Variants in TAMM41 observed in about 807,000 individuals in gnomAD.
TAMM41 encodes TAM41 mitochondrial translocator assembly and maintenance homolog.
In TAMM41, 36 loss-of-function variants were observed where a neutral mutation model predicts 44.1. The observed-to-expected ratio is 0.82, with a 90% CI of 0.63 to 1.08. The LOEUF is 1.08. Ranked by LOEUF, TAMM41 falls within the 50% of genes least tolerant of loss-of-function variation. TAMM41 has a pLI of 0.00. For synonymous variants in TAMM41, 164 were observed against 153.1 expected (o/e 1.07, Z -0.53); for missense variants, 417 against 404.3 (o/e 1.03, Z -0.27).
At chr3:11,844,692 C>T (rs984459049) in intron 1 of TAMM41, among the ~76,000 whole-genome samples, 1 of 152,156 alleles carries the variant, frequency 6.6e-6, no homozygotes, top group Non-Finnish European at 1.5e-5. Context: ...ATTAGCACCA[C>T]CTGGATAAAC....
chr3:11,829,046 AG>A (rs1256276221), intron 4 of TAMM41, among the ~76,000 whole-genome samples: 1 of 152,162 alleles, frequency 6.6e-6, no homozygotes, highest in African/African-American at 2.4e-5. Context: ...GGTTGCAGCG[AG>A]GGTGAGTGGC....
chr3:11,759,956 A>C, the TAMM41 span, among the ~76,000 whole-genome samples: 1 of 144,728 alleles, frequency 6.9e-6, no homozygotes, highest in South Asian at 2.3e-4. Context: ...CCTGGGGGAC[A>C]AGAATGAAAC....
At chr3:11,795,662 T>C (rs17779957) in intron 7 of TAMM41, among the ~76,000 whole-genome samples, 4,200 of 152,266 alleles carry the variant, frequency 0.028, 90 homozygotes, top group Non-Finnish European at 0.041. Context: ...AAAGTCTTTG[T>C]TTGGCCCCTG....
the TAMM41 span, among the ~76,000 whole-genome samples, chr3:11,748,874 T>C: frequency 6.6e-6 from 1 of 151,352 alleles, no homozygotes; most frequent in South Asian, 2.1e-4. Flanking sequence ...AACTTTCCCA[T>C]GTGTTATCAT....
chr3:11,763,915 G>A, the TAMM41 span, among the ~76,000 whole-genome samples: 1 of 152,122 alleles, frequency 6.6e-6, no homozygotes, highest in Non-Finnish European at 1.5e-5. Flanking sequence ...AGTCATTTTT[G>A]TTTCAATATT....
At chr3:11,789,289 A>C (rs1300919491), downstream of TAMM41, among the ~76,000 whole-genome samples, 1 of 152,254 alleles carries the variant, frequency 6.6e-6, no homozygotes, top group Non-Finnish European at 1.5e-5. Context: ...ACTCAATAGT[A>C]AACAAAAAAT....
the TAMM41 span, among the ~76,000 whole-genome samples, chr3:11,726,966 G>T: frequency 6.6e-6 from 1 of 151,994 alleles, no homozygotes; most frequent in South Asian, 2.1e-4. Flanking sequence ...GGGAACCAAA[G>T]AACTCAGTGG....
the TAMM41 span, among the ~76,000 whole-genome samples, chr3:11,734,012 T>C: frequency 6.6e-6 from 1 of 151,204 alleles, no homozygotes; most frequent in Non-Finnish European, 1.5e-5. Flanking sequence ...TTCCTCATTA[T>C]GTGGGCCAGC....
At chr3:11,814,065 C>T (rs1390161457) in intron 5 of TAMM41, among the ~76,000 whole-genome samples, 1 of 151,812 alleles carries the variant, frequency 6.6e-6, no homozygotes, top group African/African-American at 2.4e-5. Context: ...GTAGTCGCAG[C>T]TCCTCAAGAG....
At chr3:11,746,273 C>A in the TAMM41 span, among the ~76,000 whole-genome samples, 1 of 143,788 alleles carries the variant, frequency 7.0e-6, no homozygotes, top group Non-Finnish European at 1.5e-5. Flanking sequence ...CACTGCACTC[C>A]AGCCTGGGCG....
At chr3:11,722,838 A>G in the TAMM41 span, among the ~76,000 whole-genome samples, 1 of 152,226 alleles carries the variant, frequency 6.6e-6, no homozygotes, top group East Asian at 1.9e-4. Flanking sequence ...ATGTGGTGGC[A>G]CGCTGCTATA....
chr3:11,722,338 G>T, the TAMM41 span, among the ~76,000 whole-genome samples: 1 of 151,338 alleles, frequency 6.6e-6, no homozygotes, highest in Non-Finnish European at 1.5e-5. Flanking sequence ...TCTTTTAGTT[G>T]TGCAAAGGAG....
intron 1 of TAMM41, 23 bp downstream of exon 1, chr3:11,846,479 G>T (rs753686026): frequency 6.2e-7 from 1 of 1,613,940 alleles, no homozygotes; most frequent in South Asian, 1.1e-5. Context: ...ACAGTTCCCC[G>T]TCGTGGGGCT....
the TAMM41 span, among the ~76,000 whole-genome samples, chr3:11,744,592 G>A: frequency 6.6e-6 from 1 of 151,938 alleles, no homozygotes; most frequent in African/African-American, 2.4e-5. Flanking sequence ...CTACTCAGGA[G>A]GTTAAGGTAT....
At chr3:11,843,213 A>T (rs303855) in intron 2 of TAMM41, among the ~76,000 whole-genome samples, 100,936 of 152,042 alleles carry the variant, frequency 0.66, 35,684 homozygotes, top group Middle Eastern at 0.88. Context: ...AACCTGACCC[A>T]AAATTGGCCT....
chr3:11,729,538 CATTTTTTTTTTTTTTT>C, the TAMM41 span, among the ~76,000 whole-genome samples: 2,133 of 65,458 alleles, frequency 0.033, 410 homozygotes, highest in African/African-American at 0.11. Context: ...TTCTTTCTTT[CATTTTTTTTTTTTTTT>C]TTTTTTTTTT....
intron 7 of TAMM41, among the ~76,000 whole-genome samples, chr3:11,793,849 A>C (rs1274800851): frequency 6.6e-6 from 1 of 152,176 alleles, no homozygotes; most frequent in Non-Finnish European, 1.5e-5. Context: ...GGGGACTGGA[A>C]TGACTGTATT....
chr3:11,734,456 G>A, the TAMM41 span, among the ~76,000 whole-genome samples: 1 of 152,136 alleles, frequency 6.6e-6, no homozygotes, highest in African/African-American at 2.4e-5. Context: ...TCACCCAGTG[G>A]CTTCTGATCC....
At chr3:11,823,281 A>G (rs1220514891) in intron 4 of TAMM41, among the ~76,000 whole-genome samples, 1 of 139,468 alleles carries the variant, frequency 7.2e-6, no homozygotes, top group Non-Finnish European at 1.5e-5. Flanking sequence ...TTTGAGACAG[A>G]GTCCTGCTCT....
Sources: gnomAD v4.1 joint callset for allele counts (sites outside exome capture counted in the v4.1 genomes callset) on GRCh38, gnomAD v4.1.1 for gene constraint, MANE v1.5 for transcripts, NCBI Gene and HGNC (gene_info 2026-07-23, HGNC 2026-07-21) for gene names.